Variants in SLCO3A1 observed in about 807,000 individuals in gnomAD.
SLCO3A1 encodes the protein solute carrier organic anion transporter family member 3A1, also known as PGE1 transporter.
Under a neutral mutation model 63.1 loss-of-function variants are expected in SLCO3A1, and 27 were observed. The observed-to-expected ratio is 0.43, with a 90% CI of 0.32 to 0.59. The LOEUF (loss-of-function observed/expected upper bound fraction) is 0.59. Among genes scored for constraint, SLCO3A1 ranks in the 20% least tolerant of loss-of-function variants. The probability of loss-of-function intolerance (pLI) is 0.09; values close to 1 mark genes in which losing one functional copy is unlikely to be tolerated. For synonymous variants in SLCO3A1, 473 were observed against 409.9 expected, an observed-to-expected ratio of 1.15 and a Z score of -1.86; for missense variants, 773 against 945.8, an observed-to-expected ratio of 0.82 and a Z score of 2.40.
intron 2 of SLCO3A1, among the ~76,000 whole-genome samples, chr15:92,069,809 C>T (rs1308752327): frequency 2.0e-5 from 3 of 152,180 alleles, no homozygotes; most frequent in Non-Finnish European, 2.9e-5. Flanking sequence ...AAGCCCTCCC[C>T]GGGAGCTGTG....
In SLCO3A1 at chr15:91,859,439, T is replaced by C. The variant is rs1400011206; in HGVS notation, c.180+5351T>C. 6.6e-6 allele frequency among the ~76,000 whole-genome samples: 1 copy of C among 152,270 alleles called. No homozygotes were observed. Among genetic ancestry groups the C allele is most frequent in the Non-Finnish European group, 1.5e-5 (1 of 68,050 alleles). ...GTGATTCAAAGACACTTGTATTTTA[T>C]GTAGCCTAAGTGTTTATGTGTTAGC... On this transcript the variant is annotated intron_variant, in intron 1 of 9. Transcript: ENST00000318445. The surrounding 1 kb of genome is among the most constrained non-coding windows in gnomAD (Gnocchi z 5.1).
Position 91,862,088 on chromosome 15 carries a change from G to A in SLCO3A1, c.180+8000G>A, listed in dbSNP as rs1047530578. Among the ~76,000 whole-genome samples the A allele has an allele frequency of 2.0e-5, 3 of 152,068 alleles. No homozygotes were observed. Among genetic ancestry groups the A allele is most frequent in the African/African-American group, 4.8e-5 (2 of 41,398 alleles). On this transcript the variant is annotated intron_variant, in intron 1 of 9. Transcript: ENST00000318445. This position sits in a 1 kb window ranked among gnomAD's most constrained non-coding sequence, Gnocchi z 4.0. ...TTTCATGGACGTAATAGTCCAAGTG[G>A]CATTTTAAGTTATCTGGTAATGGAC... is the stretch of plus-strand genomic sequence containing the variant.
chr15:91,938,843 C>T (rs1899511641), intron 2 of SLCO3A1, among the ~76,000 whole-genome samples: 1 of 152,138 alleles, frequency 6.6e-6, no homozygotes, highest in African/African-American at 2.4e-5. Context: ...AGACTAGGAA[C>T]CACAGAAGGT....
chr15:91,944,452 C>T (rs1168869451), intron 2 of SLCO3A1, among the ~76,000 whole-genome samples: 2 of 152,142 alleles, frequency 1.3e-5, no homozygotes, highest in African/African-American at 4.8e-5. Context: ...TCAGTACCAG[C>T]TTCACAGAAT....
Position 91,885,496 on chromosome 15 carries a change from C to CATTACAGGAAAAGGG in SLCO3A1, c.181-30495_181-30481dup, listed in dbSNP as rs1222845194. Among the ~76,000 whole-genome samples the CATTACAGGAAAAGGG allele has an allele frequency of 3.9e-5, 6 of 152,364 alleles. No homozygotes were observed. The East Asian group carries it at 9.6e-4, about 25-fold the overall frequency. On this transcript the variant is annotated intron_variant, in intron 1 of 9. Transcript: ENST00000318445. The surrounding 1 kb of genome is among the most constrained non-coding windows in gnomAD (Gnocchi z 4.7). ...AAACTCCAGCATGTCACAAATCATACATTACAGGAAAAGGGAGCCCTTTGC... is the reference window on the plus strand; with the variant it reads ...AAACTCCAGCATGTCACAAATCATACATTACAGGAAAAGGGATTACAGGAAAAGGGAGCCCTTTGC...
At chr15:92,093,066 A>G (rs192874083) in intron 2 of SLCO3A1, among the ~76,000 whole-genome samples, 11 of 152,208 alleles carry the variant, frequency 7.2e-5, no homozygotes, top group Non-Finnish European at 1.5e-4. Flanking sequence ...GACATCTCCT[A>G]TAAGCCCCGT....
chr15:91,992,401 C>T (rs777714310), intron 2 of SLCO3A1, among the ~76,000 whole-genome samples: 15 of 152,174 alleles, frequency 9.9e-5, no homozygotes, highest in African/African-American at 2.4e-5. Context: ...GCTCTGACCT[C>T]GTGAAGGTTA....
chr15:92,170,635 A>T (rs537393444), downstream of SLCO3A1, among the ~76,000 whole-genome samples: 1 of 152,308 alleles, frequency 6.6e-6, no homozygotes, highest in African/African-American at 2.4e-5. Context: ...CAGAGCGTCT[A>T]CCTGTGGGAA....
Position 91,885,292 on chromosome 15 carries a change from T to C in SLCO3A1, c.181-30701T>C, listed in dbSNP as rs915148142. ...TTCTCCAGGGCTACCTCCTGAGGGC[T>C]CACTCCTTAAAGGCAGGATGCAGTG... is the stretch of plus-strand genomic sequence containing the variant. On this transcript the variant is annotated intron_variant, in intron 1 of 9. Coordinates refer to ENST00000318445, the MANE Select transcript of SLCO3A1 (RefSeq NM_013272.4). This position sits in a 1 kb window ranked among gnomAD's most constrained non-coding sequence, Gnocchi z 4.7. Among the ~76,000 whole-genome samples, 2 of 152,172 alleles carry C rather than the reference T, an allele frequency of 1.3e-5. No homozygotes were observed. Among genetic ancestry groups the C allele is most frequent in the African/African-American group, 4.8e-5 (2 of 41,454 alleles).
chr15:91,975,816 T>C (rs1270517103), intron 2 of SLCO3A1, among the ~76,000 whole-genome samples: 1 of 152,206 alleles, frequency 6.6e-6, no homozygotes, highest in Non-Finnish European at 1.5e-5. Context: ...CTACTTTCCC[T>C]AGCACACACC....
At chr15:92,127,975 G>A (rs953384022) in intron 6 of SLCO3A1, among the ~76,000 whole-genome samples, 4 of 152,122 alleles carry the variant, frequency 2.6e-5, no homozygotes, top group African/African-American at 7.2e-5. Flanking sequence ...GAGAGGCATC[G>A]TGGAGGGGGT....
At chr15:92,013,155 G>GGA (rs2046388383) in intron 2 of SLCO3A1, among the ~76,000 whole-genome samples, 1 of 152,230 alleles carries the variant, frequency 6.6e-6, no homozygotes, top group Non-Finnish European at 1.5e-5. Flanking sequence ...GAAGCTAGGG[G>GGA]GAGAGAGCCA....
intron 5 of SLCO3A1, among the ~76,000 whole-genome samples, chr15:92,124,145 G>A (rs2047894288): frequency 6.6e-6 from 1 of 152,210 alleles, no homozygotes; most frequent in African/African-American, 2.4e-5. Context: ...TCCACCCCTT[G>A]CAAAGTCATC....
At chr15:92,157,516 A>C (rs1386858404) in intron 9 of SLCO3A1, among the ~76,000 whole-genome samples, 3 of 143,106 alleles carry the variant, frequency 2.1e-5, no homozygotes, top group Non-Finnish European at 3.0e-5. Context: ...TTTTGAGACC[A>C]GTCTCAGTCT....
rs556839775 is a variant in SLCO3A1, at chr15:92,133,706, G to A, written c.1512+5217G>A. Among the ~76,000 whole-genome samples the A allele has an allele frequency of 8.9e-5, 13 of 145,458 alleles. 2 individuals carry two copies. The highest frequency in any genetic ancestry group is 2.7e-4 in the African/African-American group (11 of 40,172). On this transcript the variant is annotated intron_variant, in intron 7 of 9. Transcript: ENST00000318445. Reference sequence around the variant, plus strand: ...TCTCCCATCATCCCTAGATGGGACCGTCTAGTTACAGGAAAACAAGCTCAG... The same window carrying A: ...TCTCCCATCATCCCTAGATGGGACCATCTAGTTACAGGAAAACAAGCTCAG...
intron 4 of SLCO3A1, among the ~76,000 whole-genome samples, chr15:92,118,292 G>C (rs985184562): frequency 6.6e-6 from 1 of 152,180 alleles, no homozygotes; most frequent in Non-Finnish European, 1.5e-5. Context: ...ACCAGCTCTG[G>C]TTATCATCTG....
intron 2 of SLCO3A1, among the ~76,000 whole-genome samples, chr15:91,951,283 T>C (rs1320217083): frequency 2.0e-5 from 3 of 152,206 alleles, no homozygotes; most frequent in Non-Finnish European, 4.4e-5. Flanking sequence ...GGATTTGCCT[T>C]TTCTGGACAT....
chr15:92,075,975 G>C (rs191156592), intron 2 of SLCO3A1, among the ~76,000 whole-genome samples: 2 of 152,236 alleles, frequency 1.3e-5, no homozygotes, highest in African/African-American at 4.8e-5. Flanking sequence ...AGGAAATGAA[G>C]TTGGTCTGGC....
intron 1 of SLCO3A1, among the ~76,000 whole-genome samples, chr15:91,914,153 G>A (rs1301122234): frequency 6.6e-6 from 1 of 152,184 alleles, no homozygotes; most frequent in Admixed American, 6.5e-5. Flanking sequence ...TTACAGATGG[G>A]GAAACTAACG....
Sources: gnomAD v4.1 joint callset for allele counts (sites outside exome capture counted in the v4.1 genomes callset) on GRCh38, gnomAD v4.1.1 for gene constraint, Gnocchi (gnomAD v3.1) non-coding constraint, MANE v1.5 for transcripts, NCBI Gene and HGNC (gene_info 2026-07-23, HGNC 2026-07-21) for gene names.